KAZN: variants seen among roughly 807,000 people sequenced by gnomAD.
KAZN encodes kazrin.
In KAZN, 40 loss-of-function variants were observed where a neutral mutation model predicts 87.4. That is an observed-to-expected ratio of 0.46 (90% CI 0.36 to 0.60). The LOEUF (loss-of-function observed/expected upper bound fraction) is 0.60, where lower values mean the gene tolerates loss of function less well. KAZN is among the 20% of genes least tolerant of loss of function. The pLI, the probability that KAZN is intolerant of heterozygous loss-of-function variation, is 0.00. For synonymous variants in KAZN, 466 were observed against 458.3 expected (o/e 1.02, Z -0.22); for missense variants, 898 against 1,073.9 (o/e 0.84, Z 2.29).
intron 1 of KAZN, among the ~76,000 whole-genome samples, chr1:14,003,169 C>T (rs1639875322): frequency 6.6e-6 from 1 of 151,742 alleles, no homozygotes; most frequent in Admixed American, 6.6e-5. Context: ...CACATGGACA[C>T]AGGGTGGGGA....
intron 1 of KAZN, among the ~76,000 whole-genome samples, chr1:14,843,303 G>T (rs1648248142): frequency 6.6e-6 from 1 of 152,156 alleles, no homozygotes; most frequent in Non-Finnish European, 1.5e-5. Flanking sequence ...GAATAATAAG[G>T]GACCCATCTG....
chr1:14,398,832 A>G (rs957153790), intron 2 of KAZN, among the ~76,000 whole-genome samples: 3 of 151,986 alleles, frequency 2.0e-5, no homozygotes, highest in Admixed American at 2.0e-4. Context: ...AGGGTGCAGG[A>G]CCCCGTTGTG....
intron 1 of KAZN, among the ~76,000 whole-genome samples, chr1:14,608,065 A>T (rs980367478): frequency 6.6e-6 from 1 of 152,240 alleles, no homozygotes; most frequent in African/African-American, 2.4e-5. Flanking sequence ...AGTGAACAGA[A>T]AAACAGGGGA....
intron 1 of KAZN, among the ~76,000 whole-genome samples, chr1:14,886,446 A>G (rs1431549472): frequency 6.6e-6 from 1 of 151,188 alleles, no homozygotes; most frequent in Non-Finnish European, 1.5e-5. Context: ...ATACACACAC[A>G]CACACACACA....
In KAZN at chr1:14,489,648, C is replaced by A. The variant is rs762702477; in HGVS notation, c.250-109335C>A. Among the ~76,000 whole-genome samples, 118 of 151,662 alleles carry A rather than the reference C, an allele frequency of 7.8e-4. 1 individual carries two copies. Among genetic ancestry groups the A allele is most frequent in the Non-Finnish European group, 8.8e-4 (60 of 67,884 alleles). ...ACTTGGGAGGCTGGGGCAGGAGAAT[C>A]ACTTGAACCTGGGAGGCAGAGTTTG... is the stretch of plus-strand genomic sequence containing the variant. On this transcript the variant is annotated intron_variant, in intron 2 of 16. Coordinates refer to the KAZN transcript ENST00000636203.
At chr1:14,009,692 T>C (rs368008711) in intron 1 of KAZN, among the ~76,000 whole-genome samples, 1 of 152,230 alleles carries the variant, frequency 6.6e-6, no homozygotes, top group Non-Finnish European at 1.5e-5. Context: ...CACTCCCCCA[T>C]ATCTGATCCG....
intron 2 of KAZN, among the ~76,000 whole-genome samples, chr1:14,292,742 A>G (rs77391905): frequency 0.015 from 2,289 of 152,288 alleles, 33 homozygotes; most frequent in Middle Eastern, 0.027. Flanking sequence ...GAGGGGGTGC[A>G]TCATTTCTCA....
intron 2 of KAZN, among the ~76,000 whole-genome samples, chr1:14,377,289 G>A (rs2101036329): frequency 6.6e-6 from 1 of 152,236 alleles, no homozygotes; most frequent in Non-Finnish European, 1.5e-5. Flanking sequence ...TTAAGCTTCT[G>A]TCTGTTCCAG....
intron 2 of KAZN, among the ~76,000 whole-genome samples, chr1:14,493,911 A>T (rs1669807745): frequency 6.6e-6 from 1 of 152,156 alleles, no homozygotes; most frequent in Non-Finnish European, 1.5e-5. Context: ...TTGTCTCCTC[A>T]GTCCCATCTC....
intron 2 of KAZN, among the ~76,000 whole-genome samples, chr1:14,253,039 T>C (rs1369095937): frequency 1.3e-5 from 2 of 151,778 alleles, no homozygotes; most frequent in Non-Finnish European, 2.9e-5. Flanking sequence ...GGAAAAAGTT[T>C]AGCAGTTTGT....
rs184703569 is a variant in KAZN, at chr1:14,462,970, C to A, written c.250-136013C>A. 1.6e-4 allele frequency among the ~76,000 whole-genome samples: 24 copies of A among 152,282 alleles called. 1 individual carries two copies. The East Asian group carries it at 4.4e-3, about 28-fold the overall frequency. ...TGAGCTGGTGGTGTTAGACAGCAAT[C>A]TTTTATTGAACAGTACTGCTCCTTG... On this transcript the variant is annotated intron_variant, in intron 2 of 16. Transcript: ENST00000636203.
chr1:14,478,903 A>G (rs576442801), intron 2 of KAZN, among the ~76,000 whole-genome samples: 2 of 152,338 alleles, frequency 1.3e-5, no homozygotes, highest in East Asian at 3.9e-4. Flanking sequence ...CAAGAAAACA[A>G]GAGTAGAGAA....
At chr1:15,108,856 T>A (rs1641389688) in intron 13 of KAZN, among the ~76,000 whole-genome samples, 1 of 152,150 alleles carries the variant, frequency 6.6e-6, no homozygotes. Context: ...GAGGTCTAAG[T>A]GACTAGAAAT....
chr1:14,457,021 G>A (rs951704240), intron 2 of KAZN, among the ~76,000 whole-genome samples: 9 of 152,050 alleles, frequency 5.9e-5, no homozygotes, highest in South Asian at 2.1e-4. Context: ...CGGAGGTTGC[G>A]GTGAGCCAAG....
chr1:14,163,328 T>G (rs554499844), intron 1 of KAZN, among the ~76,000 whole-genome samples: 14 of 152,304 alleles, frequency 9.2e-5, no homozygotes, highest in South Asian at 4.1e-4. Context: ...GACTTGAGGT[T>G]TTCATACATT....
chr1:15,109,754 TGTTTG>T (rs1641429313), intron 13 of KAZN, among the ~76,000 whole-genome samples: 2 of 123,916 alleles, frequency 1.6e-5, no homozygotes, highest in African/African-American at 6.6e-5. Flanking sequence ...TGTGTTTGTA[TGTTTG>T]TGTCTGTATG....
intron 1 of KAZN, among the ~76,000 whole-genome samples, chr1:14,879,734 G>A (rs1653134593): frequency 6.6e-6 from 1 of 152,194 alleles, no homozygotes; most frequent in Non-Finnish European, 1.5e-5. Context: ...AATTTGAATT[G>A]TGTGACTATG....
chr1:14,040,792 ATT>A (rs1370938528), intron 1 of KAZN, among the ~76,000 whole-genome samples: 8 of 108,394 alleles, frequency 7.4e-5, no homozygotes, highest in African/African-American at 2.0e-4. Flanking sequence ...ATAAAATTAA[ATT>A]AAATTAAAAT....
chr1:14,845,724 G>C (rs1239127065), intron 1 of KAZN, among the ~76,000 whole-genome samples: 1 of 152,116 alleles, frequency 6.6e-6, no homozygotes, highest in Non-Finnish European at 1.5e-5. Flanking sequence ...GGTATGTGTT[G>C]GTCTAGGTCC....
Sources: allele counts gnomAD v4.1 joint callset (sites outside exome capture counted in the v4.1 genomes callset), GRCh38; gene constraint gnomAD v4.1.1; transcripts MANE v1.5; gene names NCBI Gene and HGNC (gene_info 2026-07-23, HGNC 2026-07-21).